Variants in ALS2CL observed in about 807,000 individuals in gnomAD.
The protein encoded by ALS2CL is ALS2 C-terminal like, also known as ALS2 C-terminal-like protein.
A neutral mutation model predicts 127.9 loss-of-function variants in ALS2CL; 112 were observed. That is an observed-to-expected ratio of 0.88 (90% CI 0.75 to 1.02). ALS2CL has a LOEUF of 1.02. Ranked by LOEUF, ALS2CL falls within the 50% of genes least tolerant of loss-of-function variation. ALS2CL has a pLI of 0.00. For missense variants in ALS2CL, 1,174 were observed against 1,236.7 expected, an observed-to-expected ratio of 0.95 and a Z score of 0.76; for synonymous variants, 519 against 527.6, an observed-to-expected ratio of 0.98 and a Z score of 0.22.
chr3:46,683,684 G>C, intron 9 of ALS2CL, 98 bp downstream of exon 9: 2 of 1,455,628 alleles, frequency 1.4e-6, no homozygotes, highest in Admixed American at 3.4e-5. Context: ...GACACTCGCC[G>C]GCACTCCTGT....
At chr3:46,682,997 T>G in intron 10 of ALS2CL, 133 bp downstream of exon 10, 1 of 985,028 alleles carries the variant, frequency 1.0e-6, no homozygotes, top group Admixed American at 3.5e-5. Context: ...TAAGAGGGAC[T>G]CTGAGAATTG....
chr3:46,671,566 G>C lies in ALS2CL; in HGVS notation c.2703C>G (p.Ala901=), dbSNP rs202232432. The C allele has an allele frequency of 1.9e-6, 3 of 1,613,860 alleles. No individual in the cohort carries two copies. Among genetic ancestry groups the C allele is most frequent in the Non-Finnish European group, 2.5e-6 (3 of 1,179,964 alleles). Residue 901 remains alanine (A), a synonymous_variant, in exon 25 of 26, where the codon GCC becomes GCG. Transcript: ENST00000318962. The part of the protein sequence containing the change: ...VSRARIQHLG[A]EIHLIRDMMD... ...TCATGTCACGGATCAGGTGGATCTC[G>C]GCTCCCAGGTGCTGAATTCTGGAGA...
Position 46,676,895 on chromosome 3 carries a change from T to C in ALS2CL, c.1885A>G (p.Ser629Gly), listed in dbSNP as rs1251573924. The C allele has an allele frequency of 1.2e-6, 2 of 1,612,864 alleles. No homozygotes were observed. Among genetic ancestry groups the C allele is most frequent in the Non-Finnish European group, 1.7e-6 (2 of 1,179,776 alleles). Residue 629 changes from serine to glycine, a missense_variant, in exon 17 of 26, where the codon AGC becomes GGC. By Grantham distance (56) the Ser-to-Gly change is moderately conservative. Coordinates refer to ENST00000318962, the MANE Select transcript of ALS2CL (RefSeq NM_147129.5). ...TGAGACCTACGCAGCTCCCTGGAGC[T>C]CTGCACGTCGAAGCCCAGCAGGGCC... Reference protein sequence around the residue: ...QEALLGFDVQSSRELRRSQDY... With the variant: ...QEALLGFDVQGSRELRRSQDY...
Position 46,686,926 on chromosome 3 carries a change from G to A in ALS2CL, c.534+57C>T. ...AGTATAGGCTGAGCCCCCTGAGTCT[G>A]GGCCCTATCCCTCCCTTCCCTCGGC... On this transcript the variant is annotated intron_variant, in intron 5 of 25. Coordinates refer to ENST00000318962, the MANE Select transcript of ALS2CL (RefSeq NM_147129.5). This position sits in a 1 kb window ranked among gnomAD's most constrained non-coding sequence, Gnocchi z 4.3. 1 of 1,489,610 alleles carries A rather than the reference G, an allele frequency of 6.7e-7. No individual in the cohort carries two copies. Among genetic ancestry groups the A allele is most frequent in the Non-Finnish European group, 8.9e-7 (1 of 1,121,928 alleles). 92.3% of individuals were successfully genotyped at this position (1,489,610 alleles called of 1,614,324 possible).
At chr3:46,677,138 C>T in intron 16 of ALS2CL, 116 bp from the exon 17 acceptor site, 1 of 1,480,078 alleles carries the variant, frequency 6.8e-7, no homozygotes, top group Non-Finnish European at 8.9e-7. Flanking sequence ...GGATCAAGCC[C>T]CAAGAAGGGT....
At position 46,681,741 on chromosome 3, in the gene ALS2CL, C is replaced by T. The variant is rs201872001; in HGVS notation, c.1176-143G>A. The T allele has an allele frequency of 3.3e-5, 29 of 884,324 alleles. No individual in the cohort carries two copies. In the East Asian group the frequency reaches 7.0e-4, roughly 21 times the overall value. 54.8% of individuals were successfully genotyped at this position (884,324 alleles called of 1,614,324 possible). ...TCTCAGAGGCCCTCAGCCTTCCTAT[C>T]CTTCAAAGGGCCCCTCTCAGGACCC... On this transcript the variant is annotated intron_variant, in intron 11 of 25. Coordinates refer to ENST00000318962, the MANE Select transcript of ALS2CL (RefSeq NM_147129.5). The surrounding 1 kb of genome is among the most constrained non-coding windows in gnomAD (Gnocchi z 4.9).
chr3:46,681,041 T>A lies in ALS2CL; in HGVS notation c.1436+205A>T, dbSNP rs1215838518. On this transcript the variant is annotated intron_variant, in intron 13 of 25. Transcript: ENST00000318962. This position sits in a 1 kb window ranked among gnomAD's most constrained non-coding sequence, Gnocchi z 4.9. Reference sequence around the variant, plus strand: ...GCCTCTCCAACACCATGAGGAGGGGTGAGGGGCGGGGGCGACCCTGCAGTC... The same window carrying A: ...GCCTCTCCAACACCATGAGGAGGGGAGAGGGGCGGGGGCGACCCTGCAGTC... The A allele has an allele frequency of 1.0e-5, 8 of 765,776 alleles. No homozygotes were observed. In the East Asian group the frequency reaches 2.1e-4, roughly 20 times the overall value. 47.4% of individuals were successfully genotyped at this position (765,776 alleles called of 1,614,324 possible).
Position 46,670,874 on chromosome 3 carries a change from T to C in ALS2CL, c.*110A>G. On this transcript the variant is annotated 3_prime_UTR_variant, in exon 26 of 26. Coordinates refer to ENST00000318962, the MANE Select transcript of ALS2CL (RefSeq NM_147129.5). This position sits in a 1 kb window ranked among gnomAD's most constrained non-coding sequence, Gnocchi z 5.5. The stretch of plus-strand genomic sequence containing the variant: ...CTTCCTGTGCAAAACAAAATGCTCA[T>C]CTCCTCCAAGAGCTGCTTCTGAGGG... 1 of 1,148,178 alleles carries C rather than the reference T, an allele frequency of 8.7e-7. No individual in the cohort carries two copies. Among genetic ancestry groups the C allele is most frequent in the East Asian group, 2.4e-5 (1 of 42,346 alleles). The allele number at this position is 1,148,178 out of a possible 1,614,324, so 71.1% of individuals were successfully genotyped here. A position where few individuals can be genotyped will look rare whatever the true frequency, so the allele number is the denominator to read the frequency against.
At chr3:46,677,489 C>T (rs758569707) in intron 16 of ALS2CL, 6 of 789,128 alleles carry the variant, frequency 7.6e-6, no homozygotes, top group Non-Finnish European at 9.3e-6. Context: ...GTGTCATGCT[C>T]GTAGGCTACA....
chr3:46,679,418 A>G, intron 14 of ALS2CL, 131 bp from the exon 15 acceptor site: 4 of 785,028 alleles, frequency 5.1e-6, no homozygotes, highest in Non-Finnish European at 8.3e-6. Flanking sequence ...GAGCCTCATC[A>G]CGCCCCACAG....
Position 46,673,360 on chromosome 3 carries a change from G to T in ALS2CL, c.2451C>A (p.Asp817Glu). The change falls in exon 22 of 26, where the codon GAC (aspartate) becomes GAA (glutamate). Residue 817 changes from aspartate to glutamate, a missense_variant. Asp to Glu is a conservative substitution (Grantham distance 45). Transcript: ENST00000318962. ...DVQKHLWPLK[D>E]LTLTSNQRYS... ...TCACCTGATTGCTCGTCAGCGTGAG[G>T]TCCTTGAGGGGCCACAAGTGCCTGA... 1.3e-6 allele frequency: 2 copies of T among 1,565,488 alleles called. No individual in the cohort carries two copies. The highest frequency in any genetic ancestry group is 1.4e-5 in the African/African-American group (1 of 73,818).
Position 46,679,172 on chromosome 3 carries a change from C to T in ALS2CL, c.1626+38G>A, listed in dbSNP as rs372862819. 449 of 1,535,206 alleles carry T rather than the reference C, an allele frequency of 2.9e-4. 2 individuals are homozygous for T. In the African/African-American group the frequency reaches 5.6e-3, roughly 19 times the overall value. ...GGAGATTACAGACACCAACCAAGGC[C>T]TTGGCAGGGTGTGGAGGGGGGCCTC... On this transcript the variant is annotated intron_variant, in intron 15 of 25. Transcript: ENST00000318962.
rs2106670125 is a variant in ALS2CL at position 46,669,248 on chromosome 3, T to G, written c.*1736A>C. 1 of 152,324 alleles carries G rather than the reference T, an allele frequency of 6.6e-6. No individual in the cohort carries two copies. The highest frequency in any genetic ancestry group is 1.9e-4 in the East Asian group (1 of 5,166). The allele number at this position is 152,324 out of a possible 1,614,324, so 9.4% of individuals were successfully genotyped here. A position where few individuals can be genotyped will look rare whatever the true frequency, so the allele number is the denominator to read the frequency against. ...CAGGGTCTCACTATGTTGCCCAGGC[T>G]GGTCTTGAACTCTCAGTTTCCAGCA... On this transcript the variant is annotated 3_prime_UTR_variant, in exon 26 of 26. Transcript: ENST00000318962.
intron 7 of ALS2CL, among the ~76,000 whole-genome samples, chr3:46,684,475 A>G (rs968287971): frequency 6.6e-6 from 1 of 152,206 alleles, no homozygotes; most frequent in Non-Finnish European, 1.5e-5. Flanking sequence ...CTCACTGTGA[A>G]CTTTTGCTCA....
chr3:46,671,198 C>A, intron 25 of ALS2CL, 134 bp from the exon 26 acceptor site: 1 of 1,058,260 alleles, frequency 9.4e-7, no homozygotes, highest in Non-Finnish European at 1.4e-6. Context: ...CAGCCCTCAG[C>A]CACAGTCTGC....
chr3:46,673,364 T>C lies in ALS2CL; in HGVS notation c.2447A>G (p.Lys816Arg). The stretch of plus-strand genomic sequence containing the variant: ...CTGATTGCTCGTCAGCGTGAGGTCC[T>C]TGAGGGGCCACAAGTGCCTGAAATT... The part of the protein sequence containing the change: ...LDVQKHLWPL[K>R]DLTLTSNQRY... Residue 816 changes from lysine (K) to arginine (R), a missense_variant, in exon 22 of 26, where the codon AAG (lysine) becomes AGG (arginine). Lys to Arg is a conservative substitution (Grantham distance 26). Transcript: ENST00000318962. The C allele has an allele frequency of 6.4e-7, 1 of 1,565,222 alleles. No individual in the cohort carries two copies. The highest frequency in any genetic ancestry group is 8.7e-7 in the Non-Finnish European group (1 of 1,154,550).
intron 9 of ALS2CL, 74 bp downstream of exon 9, chr3:46,683,708 G>C: frequency 6.4e-7 from 1 of 1,554,496 alleles, no homozygotes; most frequent in Non-Finnish European, 8.9e-7. Context: ...GCCCTGCAGG[G>C]TTGCATACTT....
intron 7 of ALS2CL, 101 bp downstream of exon 7, chr3:46,685,424 A>G: frequency 2.0e-6 from 3 of 1,535,298 alleles, no homozygotes; most frequent in Non-Finnish European, 2.7e-6. Flanking sequence ...CTCCCAGCCC[A>G]CTTTCTCAGT....
At position 46,689,399 on chromosome 3, in the gene ALS2CL, C is replaced by T. The variant is rs137881938; in HGVS notation, c.42G>A (p.Glu14=). 6.2e-7 allele frequency: 1 copy of T among 1,611,720 alleles called. No individual in the cohort carries two copies. Among genetic ancestry groups the T allele is most frequent in the African/African-American group, 1.3e-5 (1 of 75,036 alleles). ...PEEAALLRLE[E]VFSATLAHVN... Reference sequence around the variant, plus strand: ...CATGGGCGAGGGTGGCTGAGAAGACCTCCTCCAGCCGCAGCAGAGCTGCCT... The same window carrying T: ...CATGGGCGAGGGTGGCTGAGAAGACTTCCTCCAGCCGCAGCAGAGCTGCCT... The change falls in exon 2 of 26, where the codon GAG becomes GAA. Residue 14 remains glutamate (E), a synonymous_variant. Transcript: ENST00000318962.
Sources: gnomAD v4.1 joint callset for allele counts (sites outside exome capture counted in the v4.1 genomes callset) on GRCh38, gnomAD v4.1.1 for gene constraint, Gnocchi (gnomAD v3.1) non-coding constraint, MANE v1.5 for transcripts, NCBI Gene and HGNC (gene_info 2026-07-23, HGNC 2026-07-21) for gene names.